ALMS1: variants seen among roughly 807,000 people sequenced by gnomAD.
ALMS1 encodes ALMS1 centrosome and basal body associated protein.
A neutral mutation model predicts 352.2 loss-of-function variants in ALMS1; 271 were observed. That is an observed-to-expected ratio of 0.77 (90% CI 0.70 to 0.85). The LOEUF is 0.85. ALMS1 is among the 40% of genes least tolerant of loss of function. The pLI is 0.00. For synonymous variants in ALMS1, 1,865 were observed against 1,761.2 expected (o/e 1.06, Z -1.48); for missense variants, 5,445 against 4,870.7 (o/e 1.12, Z -3.51).
intron 11 of ALMS1, among the ~76,000 whole-genome samples, chr2:73,529,267 C>T (rs1302670803): frequency 6.6e-6 from 1 of 152,136 alleles, no homozygotes; most frequent in Non-Finnish European, 1.5e-5. Context: ...TGGTCTTGAA[C>T]TCCCGACCTC....
chr2:73,412,122 G>A (rs1191285725), intron 2 of ALMS1, among the ~76,000 whole-genome samples: 1 of 152,178 alleles, frequency 6.6e-6, no homozygotes, highest in African/African-American at 2.4e-5. Context: ...TCTCTTAGGT[G>A]TACAGTTTGT....
At chr2:73,433,676 C>G (rs536001555) in intron 7 of ALMS1, among the ~76,000 whole-genome samples, 21 of 152,152 alleles carry the variant, frequency 1.4e-4, no homozygotes, top group Middle Eastern at 3.4e-3. Flanking sequence ...GGGAGGATCA[C>G]TTGGAAGAGT....
In ALMS1 at chr2:73,417,421, C is replaced by T. The variant is rs185764666; in HGVS notation, c.451-1702C>T. The stretch of plus-strand genomic sequence containing the variant: ...AGTTGCTTAAATAAATACAGAACAA[C>T]GTTATGAAACAAGAAAATGAGGGCA... On this transcript the variant is annotated intron_variant, in intron 2 of 22. Coordinates refer to ENST00000613296, the MANE Select transcript of ALMS1 (RefSeq NM_001378454.1). Among the ~76,000 whole-genome samples the T allele has an allele frequency of 3.3e-5, 5 of 152,222 alleles. No individual in the cohort carries two copies. The East Asian group carries it at 7.7e-4, about 23-fold the overall frequency.
chr2:73,505,320 T>C (rs530372540), intron 10 of ALMS1, among the ~76,000 whole-genome samples: 80 of 152,358 alleles, frequency 5.3e-4, no homozygotes, highest in African/African-American at 1.9e-3. Flanking sequence ...ATGGTTGAAC[T>C]AATTTACACT....
At chr2:73,604,500 T>C (rs1053808439) in intron 21 of ALMS1, among the ~76,000 whole-genome samples, 10 of 152,258 alleles carry the variant, frequency 6.6e-5, no homozygotes, top group African/African-American at 1.9e-4. Flanking sequence ...TAGGCATTCA[T>C]TGGACACTTG....
At chr2:73,500,120 A>G (rs1673189969) in intron 10 of ALMS1, among the ~76,000 whole-genome samples, 1 of 152,234 alleles carries the variant, frequency 6.6e-6, no homozygotes, top group African/African-American at 2.4e-5. Context: ...TCTAAATATG[A>G]TGAATAATTT....
In ALMS1 at chr2:73,453,546, C is replaced by T. The variant is rs577661314; in HGVS notation, c.7019C>T (p.Thr2340Met). 1.5e-5 allele frequency: 25 copies of T among 1,613,494 alleles called. No homozygotes were observed. Among genetic ancestry groups the T allele is most frequent in the African/African-American group, 2.7e-5 (2 of 74,742 alleles). ...RCIQKDIGTQ[T>M]NLKCRRGIEN... ...ATACAGAAGGATATTGGCACACAGA[C>T]GAATTTGAAATGCCGGAGAGGCATT... Residue 2340 changes from threonine (T) to methionine (M), a missense_variant, in exon 8 of 23, where the codon ACG becomes ATG. Coordinates refer to ENST00000613296, the MANE Select transcript of ALMS1 (RefSeq NM_001378454.1).
chr2:73,582,993 C>T lies in ALMS1; in HGVS notation c.11547+9569C>T, dbSNP rs140927633. ...TGGTTGTGCCATTTTGCAATGCCAC[C>T]AACAATGTACAAGGGTTCTAATTTC... On this transcript the variant is annotated intron_variant, in intron 16 of 22. Coordinates refer to ENST00000613296, the MANE Select transcript of ALMS1 (RefSeq NM_001378454.1). Among the ~76,000 whole-genome samples the T allele has an allele frequency of 5.8e-3, 875 of 151,600 alleles. 11 individuals carry two copies. Among genetic ancestry groups the T allele is most frequent in the African/African-American group, 0.02 (834 of 41,314 alleles).
intron 1 of ALMS1, among the ~76,000 whole-genome samples, chr2:73,396,303 T>TACAC (rs757567739): frequency 0.02 from 2,913 of 144,080 alleles, 35 homozygotes; most frequent in African/African-American, 0.043. Context: ...GTCATAGAAA[T>TACAC]ACACACACAC....
chr2:73,393,928 C>T (rs1360158697), intron 1 of ALMS1, among the ~76,000 whole-genome samples: 1 of 151,832 alleles, frequency 6.6e-6, no homozygotes. Context: ...TCAAGTGGAC[C>T]TCCTATCTCA....
chr2:73,453,466 T>C lies in ALMS1; in HGVS notation c.6939T>C (p.Asn2313=). 6.2e-7 allele frequency: 1 copy of C among 1,613,520 alleles called. No homozygotes were observed. The highest frequency in any genetic ancestry group is 8.5e-7 in the Non-Finnish European group (1 of 1,179,718). ...AACCCTCTTCCACGGGTGTATCTAA[T>C]GGTGATTTGCTTCACAGACAGCCAT... The part of the protein sequence containing the change: ...FKEPSSTGVS[N]GDLLHRQPFT... The change falls in exon 8 of 23, where the codon AAT becomes AAC. Residue 2313 remains asparagine, a synonymous_variant. Coordinates refer to ENST00000613296, the MANE Select transcript of ALMS1 (RefSeq NM_001378454.1).
At chr2:73,498,317 T>C (rs1266429135) in intron 10 of ALMS1, among the ~76,000 whole-genome samples, 1 of 152,080 alleles carries the variant, frequency 6.6e-6, no homozygotes, top group Non-Finnish European at 1.5e-5. Flanking sequence ...TGTTTATGGG[T>C]ACATGAGATG....
chr2:73,493,770 T>A (rs1320373748), intron 10 of ALMS1, among the ~76,000 whole-genome samples: 1 of 152,190 alleles, frequency 6.6e-6, no homozygotes, highest in Non-Finnish European at 1.5e-5. Flanking sequence ...ATAAAGTATA[T>A]GTGTATAAAA....
chr2:73,473,656 G>T (rs1039990614), intron 9 of ALMS1, among the ~76,000 whole-genome samples: 3 of 151,742 alleles, frequency 2.0e-5, no homozygotes, highest in Non-Finnish European at 2.9e-5. Context: ...CCAAGAAAAG[G>T]ATTTCCCACC....
rs1261842204 is a variant in ALMS1 at position 73,450,311 on chromosome 2, G to C, written c.3784G>C (p.Ala1262Pro). 2 of 1,613,048 alleles carry C rather than the reference G, an allele frequency of 1.2e-6. No individual in the cohort carries two copies. Among genetic ancestry groups the C allele is most frequent in the Non-Finnish European group, 1.7e-6 (2 of 1,179,850 alleles). ...GCCAGATAATCATCCAACTGAAGAG[G>C]CTCTGAAAATTTCAGTTGCCTCTGA... The part of the protein sequence containing the change: ...VLPDNHPTEE[A>P]LKISVASEPV... The change falls in exon 8 of 23, where the codon GCT (alanine) becomes CCT (proline). Residue 1262 changes from alanine (A) to proline (P), a missense_variant. Ala to Pro is a conservative substitution (Grantham distance 27). Coordinates refer to ENST00000613296, the MANE Select transcript of ALMS1 (RefSeq NM_001378454.1).
intron 10 of ALMS1, among the ~76,000 whole-genome samples, chr2:73,511,957 C>T (rs1198539839): frequency 6.6e-6 from 1 of 152,230 alleles, no homozygotes; most frequent in Non-Finnish European, 1.5e-5. Context: ...TTATAGGAAA[C>T]TGCCAGAGTG....
At chr2:73,421,596 C>A (rs1671285921) in intron 3 of ALMS1, among the ~76,000 whole-genome samples, 2 of 151,956 alleles carry the variant, frequency 1.3e-5, no homozygotes, top group Admixed American at 1.3e-4. Flanking sequence ...CTTTTGAGTA[C>A]CTTTTAAGTG....
chr2:73,454,560 A>G (rs1326024266), intron 8 of ALMS1, among the ~76,000 whole-genome samples: 2 of 151,252 alleles, frequency 1.3e-5, no homozygotes, highest in Non-Finnish European at 3.0e-5. Context: ...GATCTCAGAC[A>G]TTTGAAAAAA....
intron 10 of ALMS1, among the ~76,000 whole-genome samples, chr2:73,504,276 T>C (rs1673275029): frequency 6.6e-6 from 1 of 152,220 alleles, no homozygotes; most frequent in African/African-American, 2.4e-5. Context: ...TCAGTTATTC[T>C]AATGCATATA....
Sources: gnomAD v4.1 joint callset for allele counts (sites outside exome capture counted in the v4.1 genomes callset) on GRCh38, gnomAD v4.1.1 for gene constraint, MANE v1.5 for transcripts, NCBI Gene and HGNC (gene_info 2026-07-23, HGNC 2026-07-21) for gene names.